TOGARAM2: variants seen among roughly 807,000 people sequenced by gnomAD.
TOGARAM2 encodes the protein TOG array regulator of axonemal microtubules protein 2.
In TOGARAM2, 85 loss-of-function variants were observed where a neutral mutation model predicts 93.3. The ratio of observed to expected loss-of-function variants is 0.91; its 90% CI spans 0.76 to 1.09. The LOEUF (loss-of-function observed/expected upper bound fraction) is 1.09. TOGARAM2 is among the 50% of genes least tolerant of loss of function. TOGARAM2 has a pLI of 0.00. For missense variants in TOGARAM2, 1,277 were observed against 1,334.5 expected (o/e 0.96, Z 0.67); for synonymous variants, 593 against 552.8 (o/e 1.07, Z -1.02).
rs753162353 is a variant in TOGARAM2 at position 28,999,451 on chromosome 2, T to A, written c.410T>A (p.Leu137Ter). ...AAGAAAAGGAGGCTCTCAGAGGGCT[T>A]GGCAGCGTCTTCCCGAGGTGAGCAC... ...KLKKRRLSEG[L>*]AASSRASLDP... Residue 137 changes from leucine (L) to a stop codon, truncating the protein, a stop_gained, in exon 4 of 20, where the codon TTG becomes TAG. Transcript: ENST00000379558. LOFTEE classifies it high-confidence loss of function. 6 of 1,608,810 alleles carry A rather than the reference T, an allele frequency of 3.7e-6. No individual in the cohort carries two copies. Among genetic ancestry groups the A allele is most frequent in the Non-Finnish European group, 5.1e-6 (6 of 1,177,130 alleles).
At chr2:28,992,247 C>T (rs879939132) in intron 1 of TOGARAM2, among the ~76,000 whole-genome samples, 6 of 152,116 alleles carry the variant, frequency 3.9e-5, no homozygotes, top group Non-Finnish European at 8.8e-5. Flanking sequence ...TGGGGTGGTG[C>T]CTCTCACTGC....
chr2:29,024,088 G>C (rs1290603559), intron 12 of TOGARAM2, 51 bp from the exon 13 acceptor site: 1 of 1,485,942 alleles, frequency 6.7e-7, no homozygotes, highest in East Asian at 2.5e-5. Context: ...ATGCGTCCCA[G>C]AGCCCTTGGC....
At chr2:29,045,446 G>A in intron 19 of TOGARAM2, 36 bp downstream of exon 19, 1 of 1,556,610 alleles carries the variant, frequency 6.4e-7, no homozygotes, top group Non-Finnish European at 8.8e-7. Context: ...CCCATCTCCT[G>A]GCAGATTTCT....
chr2:29,006,311 CTG>C (rs1277273410), intron 6 of TOGARAM2, among the ~76,000 whole-genome samples: 17 of 121,146 alleles, frequency 1.4e-4, no homozygotes, highest in African/African-American at 2.6e-4. Flanking sequence ...GTGTGAGTGC[CTG>C]TGTGTGGAGT....
chr2:29,020,732 C>T (rs190750147), intron 10 of TOGARAM2, among the ~76,000 whole-genome samples: 21 of 152,248 alleles, frequency 1.4e-4, no homozygotes, highest in Admixed American at 1.1e-3. Flanking sequence ...TTTTTGAGAG[C>T]GTTGCAGACA....
In TOGARAM2 at chr2:29,024,203, C is replaced by A; in HGVS notation, c.1682C>A (p.Ala561Asp). The change falls in exon 13 of 20, where the codon GCC (alanine) becomes GAC (aspartate). Residue 561 changes from alanine (A) to aspartate (D), a missense_variant. Physicochemically the swap from Ala to Asp is moderately radical, Grantham distance 126. Coordinates refer to ENST00000379558, the MANE Select transcript of TOGARAM2 (RefSeq NM_199280.4). ...AGCACCTTGGGAGACCTCTTCCAGGCCTTGAAGAAGAATATGGACCAGGAG... is the reference window on the plus strand; with the variant it reads ...AGCACCTTGGGAGACCTCTTCCAGGACTTGAAGAAGAATATGGACCAGGAG... Reference protein sequence around the residue: ...AISTLGDLFQALKKNMDQEAE... With the variant: ...AISTLGDLFQDLKKNMDQEAE... 1.2e-6 allele frequency: 2 copies of A among 1,606,186 alleles called. No individual in the cohort carries two copies. The highest frequency in any genetic ancestry group is 1.7e-6 in the Non-Finnish European group (2 of 1,176,180).
chr2:29,010,621 T>C (rs1664185441), intron 6 of TOGARAM2, among the ~76,000 whole-genome samples: 1 of 152,022 alleles, frequency 6.6e-6, no homozygotes, highest in African/African-American at 2.4e-5. Flanking sequence ...CCTGTTGCTG[T>C]GGCTTGTTAC....
At chr2:28,986,212 T>C (rs1236117205) in intron 1 of TOGARAM2, among the ~76,000 whole-genome samples, 1 of 151,814 alleles carries the variant, frequency 6.6e-6, no homozygotes, top group Non-Finnish European at 1.5e-5. Context: ...GCAGCCCTGC[T>C]TGTCACTTAT....
chr2:28,979,916 G>A (rs923467697), upstream of TOGARAM2, among the ~76,000 whole-genome samples: 2 of 152,178 alleles, frequency 1.3e-5, no homozygotes, highest in Non-Finnish European at 2.9e-5. Context: ...CCAGAGCTGA[G>A]GGACACCAAA....
chr2:28,969,709 C>CTCTTATAAG (rs947788358), intron 1 of TOGARAM2, among the ~76,000 whole-genome samples: 1 of 152,078 alleles, frequency 6.6e-6, no homozygotes, highest in African/African-American at 2.4e-5. Context: ...TGAGAGATAA[C>CTCTTATAAG]TCTTATAAGT....
At chr2:28,964,400 T>C (rs944770440) in intron 1 of TOGARAM2, among the ~76,000 whole-genome samples, 5 of 152,158 alleles carry the variant, frequency 3.3e-5, no homozygotes, top group East Asian at 1.9e-4. Context: ...GTATCTCTTT[T>C]TTTTCCTCTT....
intron 6 of TOGARAM2, 119 bp from the exon 7 acceptor site, chr2:29,011,336 C>A: frequency 1.3e-6 from 1 of 780,550 alleles, no homozygotes. Flanking sequence ...GATAACAGTG[C>A]CGTCCCCTCT....
In TOGARAM2 at chr2:28,983,196, ATATTTTTTTTTTTT is replaced by A. The variant is rs1410970334; in HGVS notation, c.-111+1660_-111+1673del. On this transcript the variant is annotated intron_variant, in intron 1 of 19. Coordinates refer to ENST00000379558, the MANE Select transcript of TOGARAM2 (RefSeq NM_199280.4). ...TATATAAATATATATATATATATATATATTTTTTTTTTTTTTTTTTTTTTTTTTTTGTAGAGATG... is the reference window on the plus strand; with the variant it reads ...TATATAAATATATATATATATATATATTTTTTTTTTTTTTTTGTAGAGATG... 3.3e-4 allele frequency among the ~76,000 whole-genome samples: 16 copies of A among 48,164 alleles called. No homozygotes were observed. In the South Asian group the frequency reaches 3.5e-3, roughly 11 times the overall value. 31.6% of individuals were successfully genotyped at this position (48,164 alleles called of 152,430 possible).
intron 19 of TOGARAM2, chr2:29,049,914 G>A (rs1666970991): frequency 6.6e-6 from 1 of 152,190 alleles, no homozygotes; most frequent in Non-Finnish European, 1.5e-5. Context: ...AGAGTGTCAG[G>A]CTGACCAGAG....
chr2:29,042,647 G>C (rs1666504476), intron 18 of TOGARAM2, among the ~76,000 whole-genome samples: 1 of 152,186 alleles, frequency 6.6e-6, no homozygotes, highest in Admixed American at 6.5e-5. Flanking sequence ...TAGTCTGTTG[G>C]CTCCCACACA....
Position 29,036,792 on chromosome 2 carries a change from C to A in TOGARAM2, c.2635+35C>A. 1.9e-6 allele frequency: 3 copies of A among 1,576,262 alleles called. No homozygotes were observed. In the South Asian group the frequency reaches 3.4e-5, roughly 18 times the overall value. ...CCACGTGGGCCTGTGTGGCTCTGGT[C>A]ACCATGTCCACCCTCCTGCTTGGAA... On this transcript the variant is annotated intron_variant, in intron 18 of 19. Transcript: ENST00000379558.
At chr2:28,976,523 C>T (rs976556808), upstream of TOGARAM2, among the ~76,000 whole-genome samples, 8 of 152,234 alleles carry the variant, frequency 5.3e-5, no homozygotes, top group Non-Finnish European at 1.0e-4. Context: ...CTGCTCTTCT[C>T]TGACACGTCC....
chr2:29,004,742 G>A (rs1673528171), intron 6 of TOGARAM2, among the ~76,000 whole-genome samples: 1 of 53,116 alleles, frequency 1.9e-5, no homozygotes, highest in African/African-American at 5.0e-5. Context: ...GTGCATGCAT[G>A]TGTGTGTGTG....
chr2:28,997,602 G>T (rs1673057441), intron 2 of TOGARAM2, among the ~76,000 whole-genome samples: 3 of 152,234 alleles, frequency 2.0e-5, no homozygotes, highest in Admixed American at 6.5e-5. Flanking sequence ...TAGGAGAGAA[G>T]AGGGAAGATC....
Sources: gnomAD v4.1 joint callset for allele counts (sites outside exome capture counted in the v4.1 genomes callset) on GRCh38, gnomAD v4.1.1 for gene constraint, MANE v1.5 for transcripts, NCBI Gene and HGNC (gene_info 2026-07-23, HGNC 2026-07-21) for gene names.